HS3ST2: variants seen among roughly 807,000 people sequenced by gnomAD.
The protein encoded by HS3ST2 is heparan sulfate-glucosamine 3-sulfotransferase 2, also known as heparan sulfate glucosamine 3-O-sulfotransferase 2.
A neutral mutation model predicts 26.3 loss-of-function variants in HS3ST2; 17 were observed. That is an observed-to-expected ratio of 0.65 (90% CI 0.44 to 0.97). The LOEUF (loss-of-function observed/expected upper bound fraction) is 0.97. Among genes scored for constraint, HS3ST2 ranks in the 50% least tolerant of loss-of-function variants. The pLI is 0.00. For missense variants in HS3ST2, 402 were observed against 501.2 expected, an observed-to-expected ratio of 0.80 and a Z score of 1.89; for synonymous variants, 237 against 219.2, an observed-to-expected ratio of 1.08 and a Z score of -0.72.
intron 1 of HS3ST2, among the ~76,000 whole-genome samples, chr16:22,852,436 A>C (rs1317183779): frequency 4.6e-5 from 7 of 152,082 alleles, no homozygotes; most frequent in Admixed American, 4.6e-4. Flanking sequence ...GAAACTTCGC[A>C]ATCTCCCTGC....
intron 1 of HS3ST2, among the ~76,000 whole-genome samples, chr16:22,855,832 C>T (rs889098265): frequency 6.6e-6 from 1 of 151,904 alleles, no homozygotes; most frequent in Non-Finnish European, 1.5e-5. Flanking sequence ...ACAGAATTTT[C>T]TTTTCTCCCA....
intron 1 of HS3ST2, among the ~76,000 whole-genome samples, chr16:22,853,601 G>A (rs1351287423): frequency 6.6e-6 from 1 of 152,176 alleles, no homozygotes; most frequent in East Asian, 1.9e-4. Context: ...ATTGGTTTCA[G>A]ATGCTAGGAT....
At chr16:22,820,557 G>A (rs1900977208) in intron 1 of HS3ST2, among the ~76,000 whole-genome samples, 1 of 152,230 alleles carries the variant, frequency 6.6e-6, no homozygotes, top group Admixed American at 6.5e-5. Flanking sequence ...AGAGAAATGA[G>A]AGCCAAGCAA....
intron 1 of HS3ST2, among the ~76,000 whole-genome samples, chr16:22,842,694 C>T (rs1437494721): frequency 6.6e-6 from 1 of 152,156 alleles, no homozygotes; most frequent in Non-Finnish European, 1.5e-5. Flanking sequence ...CTACTTCCTC[C>T]TCCCAGAGCC....
At chr16:22,833,112 T>A (rs1334472160) in intron 1 of HS3ST2, among the ~76,000 whole-genome samples, 2 of 152,198 alleles carry the variant, frequency 1.3e-5, no homozygotes, top group African/African-American at 4.8e-5. Context: ...GGGCCACCAA[T>A]GGTGTTGATC....
At chr16:22,871,330 T>C (rs1901835181) in intron 1 of HS3ST2, among the ~76,000 whole-genome samples, 1 of 144,834 alleles carries the variant, frequency 6.9e-6, no homozygotes, top group African/African-American at 2.6e-5. Context: ...TATTCTAGCC[T>C]GGCGACAGAG....
At chr16:22,861,487 C>G (rs2141189397) in intron 1 of HS3ST2, among the ~76,000 whole-genome samples, 1 of 151,986 alleles carries the variant, frequency 6.6e-6, no homozygotes, top group South Asian at 2.1e-4. Context: ...GTGAAGTGAC[C>G]AGAAGCTGGA....
intron 1 of HS3ST2, among the ~76,000 whole-genome samples, chr16:22,832,944 G>A (rs2141179000): frequency 6.7e-6 from 1 of 150,356 alleles, no homozygotes; most frequent in South Asian, 2.1e-4. Flanking sequence ...CCTTCCTGAT[G>A]CATGCTGCCC....
intron 1 of HS3ST2, among the ~76,000 whole-genome samples, chr16:22,854,115 T>C (rs1478388309): frequency 6.6e-6 from 1 of 152,186 alleles, no homozygotes; most frequent in Non-Finnish European, 1.5e-5. Context: ...TGAGAATATC[T>C]TCCCGTTGTT....
intron 1 of HS3ST2, among the ~76,000 whole-genome samples, chr16:22,819,570 A>G (rs1900957835): frequency 6.6e-6 from 1 of 152,176 alleles, no homozygotes; most frequent in African/African-American, 2.4e-5. Context: ...TATCTTTTCT[A>G]AATGCATTGA....
intron 1 of HS3ST2, among the ~76,000 whole-genome samples, chr16:22,838,793 G>A (rs1377918298): frequency 6.6e-6 from 1 of 152,224 alleles, no homozygotes; most frequent in Non-Finnish European, 1.5e-5. Context: ...TCCAGTGTCT[G>A]CTAGGTTGTG....
At chr16:22,903,795 G>A (rs1902312810) in intron 1 of HS3ST2, among the ~76,000 whole-genome samples, 1 of 151,964 alleles carries the variant, frequency 6.6e-6, no homozygotes, top group Non-Finnish European at 1.5e-5. Context: ...GTGGATAAAG[G>A]AATAGGCTTT....
intron 1 of HS3ST2, among the ~76,000 whole-genome samples, chr16:22,894,185 T>A (rs558486176): frequency 2.0e-5 from 3 of 152,258 alleles, no homozygotes; most frequent in Admixed American, 2.0e-4. Context: ...GGTCAGTTTC[T>A]CTTGAGAGGG....
At chr16:22,902,714 T>TA (rs199715516) in intron 1 of HS3ST2, among the ~76,000 whole-genome samples, 1 of 152,042 alleles carries the variant, frequency 6.6e-6, no homozygotes, top group Non-Finnish European at 1.5e-5. Context: ...TTGTTACAAT[T>TA]AAAAAAATTT....
intron 1 of HS3ST2, among the ~76,000 whole-genome samples, chr16:22,882,891 C>T (rs1031313587): frequency 1.3e-5 from 2 of 151,376 alleles, no homozygotes; most frequent in African/African-American, 2.4e-5. Flanking sequence ...GTTAGCCAGG[C>T]GTGGTGGTGC....
chr16:22,823,564 G>A (rs1440885545), intron 1 of HS3ST2, among the ~76,000 whole-genome samples: 2 of 150,974 alleles, frequency 1.3e-5, no homozygotes, highest in East Asian at 1.9e-4. Flanking sequence ...CTGGGTAATC[G>A]CTTCAGCCCA....
intron 1 of HS3ST2, among the ~76,000 whole-genome samples, chr16:22,847,277 C>T (rs182513521): frequency 9.9e-5 from 15 of 152,172 alleles, no homozygotes; most frequent in Non-Finnish European, 8.8e-5. Context: ...GAATGATGGC[C>T]GTCAGCTCCA....
chr16:22,894,642 A>T (rs1393178777), intron 1 of HS3ST2, among the ~76,000 whole-genome samples: 1 of 151,988 alleles, frequency 6.6e-6, no homozygotes, highest in Non-Finnish European at 1.5e-5. Context: ...TCACGCCTGC[A>T]ATCCCAGCCA....
intron 1 of HS3ST2, among the ~76,000 whole-genome samples, chr16:22,872,200 G>A (rs1292570581): frequency 6.6e-6 from 1 of 152,194 alleles, no homozygotes; most frequent in African/African-American, 2.4e-5. Context: ...GGCAGCCCTA[G>A]AGATAAACCC....
Sources: gnomAD v4.1 joint callset for allele counts (sites outside exome capture counted in the v4.1 genomes callset) on GRCh38, gnomAD v4.1.1 for gene constraint, MANE v1.5 for transcripts, NCBI Gene and HGNC (gene_info 2026-07-23, HGNC 2026-07-21) for gene names.